The following SLC36A1 variants were observed in gnomAD, a reference collection of about 807,000 sequenced individuals.
SLC36A1 encodes the protein solute carrier family 36 member 1.
A neutral mutation model predicts 47.5 loss-of-function variants in SLC36A1; 30 were observed. That is an observed-to-expected ratio of 0.63 (90% CI 0.47 to 0.86). The LOEUF (loss-of-function observed/expected upper bound fraction) is 0.86, where lower values mean the gene tolerates loss of function less well. Among genes scored for constraint, SLC36A1 ranks in the 40% least tolerant of loss-of-function variants. The pLI, the probability that SLC36A1 is intolerant of heterozygous loss-of-function variation, is 0.00. For missense variants in SLC36A1, 517 were observed against 606.0 expected (o/e 0.85, Z 1.54); for synonymous variants, 255 against 249.7 (o/e 1.02, Z -0.20).
At chr5:151,551,521 C>T in the SLC36A1 span, 37 of 1,614,062 alleles carry the variant, frequency 2.3e-5, no homozygotes, top group Non-Finnish European at 3.1e-5. Flanking sequence ...AGTTATAGTT[C>T]GACCTTCTCC....
downstream of SLC36A1, among the ~76,000 whole-genome samples, chr5:151,493,470 G>T (rs1760249952): frequency 6.6e-6 from 1 of 152,126 alleles, no homozygotes; most frequent in Non-Finnish European, 1.5e-5. Flanking sequence ...TTAAATCAGG[G>T]TTCCCATGAC....
chr5:151,479,640 G>A, intron 10 of SLC36A1, 151 bp downstream of exon 10: 1 of 752,432 alleles, frequency 1.3e-6, no homozygotes, highest in Non-Finnish European at 2.1e-6. Flanking sequence ...CAGAGTTGAG[G>A]CACCTCCAGA....
At chr5:151,412,606 G>A in the SLC36A1 span, 1 of 144,298 alleles carries the variant, frequency 6.9e-6, no homozygotes, top group African/African-American at 2.5e-5. Flanking sequence ...AAAGTAGGCA[G>A]CGCACAGAGG....
At chr5:151,509,848 C>T in the SLC36A1 span, 46 of 675,014 alleles carry the variant, frequency 6.8e-5, no homozygotes, top group East Asian at 6.8e-4. Context: ...TCCATGAAAC[C>T]GGTCCCTGGT....
Position 151,441,744 on chromosome 5 carries a change from A to AT in SLC36A1, c.-6+4571dup, listed in dbSNP as rs546643939. On this transcript the variant is annotated intron_variant, in intron 1 of 8. Transcript: ENST00000429484. ...TAAGAATATATTAACCTATTATATA[A>AT]TTTTTTACTGAATATCTTAATGCTT... is the stretch of plus-strand genomic sequence containing the variant. 1.6e-3 allele frequency among the ~76,000 whole-genome samples: 237 copies of AT among 152,160 alleles called. 10 individuals carry two copies. The South Asian group carries it at 0.046, about 30-fold the overall frequency.
Position 151,479,394 on chromosome 5 carries a change from C to A in SLC36A1, c.1064C>A (p.Ala355Asp). 1 of 1,614,230 alleles carries A rather than the reference C, an allele frequency of 6.2e-7. No individual in the cohort carries two copies. Among genetic ancestry groups the A allele is most frequent in the Non-Finnish European group, 8.5e-7 (1 of 1,180,038 alleles). Reference sequence around the variant, plus strand: ...TACGCACTCCAGTTCTACGTCCCGGCTGAGATCATCATCCCCTTCTTTGTG... The same window carrying A: ...TACGCACTCCAGTTCTACGTCCCGGATGAGATCATCATCCCCTTCTTTGTG... ...FTYALQFYVP[A>D]EIIIPFFVSR... The change falls in exon 10 of 11, where the codon GCT (alanine) becomes GAT (aspartate). Residue 355 changes from alanine (A) to aspartate (D), a missense_variant. Transcript: ENST00000243389.
the SLC36A1 span, among the ~76,000 whole-genome samples, chr5:151,392,564 C>T: frequency 1.3e-5 from 2 of 152,220 alleles, no homozygotes; most frequent in Non-Finnish European, 2.9e-5. Context: ...CCTCTACACT[C>T]TGCCTTAAAT....
the SLC36A1 span, among the ~76,000 whole-genome samples, chr5:151,356,479 G>A: frequency 6.6e-6 from 1 of 152,078 alleles, no homozygotes; most frequent in East Asian, 1.9e-4. Context: ...GAGGAGAGGG[G>A]CTGTCATCTT....
At chr5:151,411,841 A>T in the SLC36A1 span, among the ~76,000 whole-genome samples, 8 of 144,644 alleles carry the variant, frequency 5.5e-5, 2 homozygotes, top group Non-Finnish European at 1.1e-4. Context: ...CCTTCATAGC[A>T]TTAATATGCT....
the SLC36A1 span, among the ~76,000 whole-genome samples, chr5:151,350,306 A>G: frequency 6.6e-6 from 1 of 152,272 alleles, no homozygotes; most frequent in African/African-American, 2.4e-5. Flanking sequence ...GATTACCCCC[A>G]TTTTACAGAT....
At chr5:151,543,875 TCAGGTACTC>T in the SLC36A1 span, 2 of 1,614,198 alleles carry the variant, frequency 1.2e-6, no homozygotes, top group South Asian at 1.1e-5. Context: ...CCAGAAAGAA[TCAGGTACTC>T]CAGGCGGGAG....
rs987341516 is a variant in SLC36A1 at position 151,463,223 on chromosome 5, A to G, written c.144-330A>G. On this transcript the variant is annotated intron_variant, in intron 2 of 10. Coordinates refer to ENST00000243389, the MANE Select transcript of SLC36A1 (RefSeq NM_078483.4). ...AGTTCAGTGGTTAGAACCAGACCCAAATACACTTGGAAAGGATAGAGTGTC... is the reference window on the plus strand; with the variant it reads ...AGTTCAGTGGTTAGAACCAGACCCAGATACACTTGGAAAGGATAGAGTGTC... 7.9e-5 allele frequency among the ~76,000 whole-genome samples: 12 copies of G among 152,280 alleles called. No homozygotes were observed. The East Asian group carries it at 1.5e-3, about 20-fold the overall frequency.
At chr5:151,351,523 A>C in the SLC36A1 span, among the ~76,000 whole-genome samples, 1 of 152,148 alleles carries the variant, frequency 6.6e-6, no homozygotes, top group African/African-American at 2.4e-5. Context: ...GGTCAGTGGC[A>C]TCAGCAAGTG....
At chr5:151,531,374 G>A in the SLC36A1 span, among the ~76,000 whole-genome samples, 58 of 152,136 alleles carry the variant, frequency 3.8e-4, no homozygotes, top group Non-Finnish European at 6.9e-4. The surrounding 1 kb of genome is among the most constrained non-coding windows in gnomAD (Gnocchi z 5.7). Context: ...GACGTGGGAG[G>A]GTCCCGTTTA....
chr5:151,541,995 A>AT, the SLC36A1 span, among the ~76,000 whole-genome samples: 1 of 152,256 alleles, frequency 6.6e-6, no homozygotes. Context: ...AACTGACAGC[A>AT]GTTAGAGTAT....
At chr5:151,523,384 A>C in the SLC36A1 span, among the ~76,000 whole-genome samples, 1 of 152,200 alleles carries the variant, frequency 6.6e-6, no homozygotes, top group South Asian at 2.1e-4. Flanking sequence ...CCTTCTTATG[A>C]GATAGGTACT....
upstream of SLC36A1, among the ~76,000 whole-genome samples, chr5:151,442,695 T>C (rs1752696374): frequency 6.6e-6 from 1 of 152,188 alleles, no homozygotes; most frequent in Admixed American, 6.5e-5. Flanking sequence ...ACAGTACAAT[T>C]GTATAACCTA....
chr5:151,481,696 A>C (rs755947651), intron 10 of SLC36A1, among the ~76,000 whole-genome samples: 4 of 151,824 alleles, frequency 2.6e-5, no homozygotes, highest in Non-Finnish European at 5.9e-5. Flanking sequence ...CATCCTCCAA[A>C]GATTACTATG....
At chr5:151,425,956 C>T in the SLC36A1 span, among the ~76,000 whole-genome samples, 2 of 110,498 alleles carry the variant, frequency 1.8e-5, no homozygotes, top group Admixed American at 8.5e-5. Context: ...TAGTCCCTCT[C>T]TCTCTCCCTC....
Sources: allele counts gnomAD v4.1 joint callset (sites outside exome capture counted in the v4.1 genomes callset), GRCh38; gene constraint gnomAD v4.1.1; non-coding constraint Gnocchi (gnomAD v3.1); transcripts MANE v1.5; gene names NCBI Gene and HGNC (gene_info 2026-07-23, HGNC 2026-07-21).